Variants in CDH4 observed in about 807,000 individuals in gnomAD.
CDH4 encodes the protein cadherin 4, also known as cadherin-4.
CDH4 carries 33 observed loss-of-function variants against 86.0 expected under a neutral mutation model. That is an observed-to-expected ratio of 0.38 (90% CI 0.29 to 0.51). CDH4 has a LOEUF of 0.51. Among genes scored for constraint, CDH4 ranks in the 20% least tolerant of loss-of-function variants. The pLI is 0.86. For missense variants in CDH4, 1,114 were observed against 1,307.4 expected, an observed-to-expected ratio of 0.85 and a Z score of 2.28; for synonymous variants, 555 against 549.4, an observed-to-expected ratio of 1.01 and a Z score of -0.14.
At position 61,902,218 on chromosome 20, in the gene CDH4, G is replaced by A. The variant is rs2054734251; in HGVS notation, c.1188+7171G>A. Among the ~76,000 whole-genome samples the A allele has an allele frequency of 6.6e-6, 1 of 152,226 alleles. No homozygotes were observed. Among genetic ancestry groups the A allele is most frequent in the Non-Finnish European group, 1.5e-5 (1 of 68,048 alleles). On this transcript the variant is annotated intron_variant, in intron 8 of 15. Coordinates refer to ENST00000614565, the MANE Select transcript of CDH4 (RefSeq NM_001794.5). This position sits in a 1 kb window ranked among gnomAD's most constrained non-coding sequence, Gnocchi z 4.6. ...CGTGGATGGCCGTTTTCAGAGCAGGGCAGGCAGCACAAACGGATGAACGAT... is the reference window on the plus strand; with the variant it reads ...CGTGGATGGCCGTTTTCAGAGCAGGACAGGCAGCACAAACGGATGAACGAT...
intron 2 of CDH4, among the ~76,000 whole-genome samples, chr20:61,736,893 G>A (rs1315803499): frequency 6.6e-6 from 1 of 152,122 alleles, no homozygotes; most frequent in African/African-American, 2.4e-5. Context: ...CCGAAGACGT[G>A]GGTGACAGGC....
intron 3 of CDH4, among the ~76,000 whole-genome samples, chr20:61,744,343 A>C (rs1438989385): frequency 6.7e-6 from 1 of 150,362 alleles, no homozygotes; most frequent in African/African-American, 2.4e-5. Context: ...GGAGAGAGAC[A>C]GGAAAGGAGA....
intron 2 of CDH4, among the ~76,000 whole-genome samples, chr20:61,345,917 A>G (rs557628149): frequency 2.4e-4 from 36 of 152,264 alleles, no homozygotes; most frequent in African/African-American, 8.7e-4. Flanking sequence ...CTATTCGATC[A>G]ATGTTTGCTG....
At position 61,754,010 on chromosome 20, in the gene CDH4, GC is replaced by G. The variant is rs1268125399; in HGVS notation, c.396+10222del. Among the ~76,000 whole-genome samples, 2 of 152,182 alleles carry G rather than the reference GC, an allele frequency of 1.3e-5. No individual in the cohort carries two copies. The highest frequency in any genetic ancestry group is 1.3e-4 in the Admixed American group (2 of 15,276). On this transcript the variant is annotated intron_variant, in intron 3 of 15. Transcript: ENST00000614565. The surrounding 1 kb of genome is among the most constrained non-coding windows in gnomAD (Gnocchi z 4.7). The stretch of plus-strand genomic sequence containing the variant: ...TGTCCTTATAGAAGGGGAAATTTGG[GC>G]ACAGACAGGCACAGGGAGAAGTCCT...
intron 2 of CDH4, among the ~76,000 whole-genome samples, chr20:61,456,970 T>C (rs1381505441): frequency 6.6e-6 from 1 of 152,194 alleles, no homozygotes; most frequent in Non-Finnish European, 1.5e-5. Flanking sequence ...CAAAGAAGAA[T>C]TGGTGTTTTA....
chr20:61,726,361 C>T (rs1336087948), intron 2 of CDH4, among the ~76,000 whole-genome samples: 1 of 152,022 alleles, frequency 6.6e-6, no homozygotes, highest in Non-Finnish European at 1.5e-5. Flanking sequence ...CTTGGGAACC[C>T]CCTCCTCAAC....
chr20:61,606,025 C>T (rs1213471599), intron 2 of CDH4, among the ~76,000 whole-genome samples: 1 of 152,130 alleles, frequency 6.6e-6, no homozygotes, highest in East Asian at 1.9e-4. Context: ...CAATGCTGGG[C>T]AATGGCATCC....
At chr20:61,724,675 C>A (rs766005467) in intron 2 of CDH4, among the ~76,000 whole-genome samples, 2 of 152,166 alleles carry the variant, frequency 1.3e-5, no homozygotes, top group Non-Finnish European at 2.9e-5. Context: ...TGGGAAGATT[C>A]TGTCTTGTAG....
Position 61,297,201 on chromosome 20 carries a change from C to T in CDH4, c.169+42264C>T, listed in dbSNP as rs575856458. Among the ~76,000 whole-genome samples the T allele has an allele frequency of 2.7e-3, 413 of 152,240 alleles. 1 individual carries two copies. Among genetic ancestry groups the T allele is most frequent in the Non-Finnish European group, 4.2e-3 (287 of 68,018 alleles). On this transcript the variant is annotated intron_variant, in intron 2 of 15. Transcript: ENST00000614565. ...AGGAGTTCGAGACCAGCCTGGCCAACGTGGCAAAACCCCGTCTCTACTAAA... is the reference window on the plus strand; with the variant it reads ...AGGAGTTCGAGACCAGCCTGGCCAATGTGGCAAAACCCCGTCTCTACTAAA...
intron 4 of CDH4, among the ~76,000 whole-genome samples, chr20:61,815,515 C>T (rs542033124): frequency 1.8e-3 from 275 of 152,306 alleles, no homozygotes; most frequent in African/African-American, 6.2e-3. Context: ...AGGAGGAAGA[C>T]GCAGCCTCTG....
At chr20:61,446,298 T>C (rs2085349997) in intron 2 of CDH4, among the ~76,000 whole-genome samples, 2 of 152,358 alleles carry the variant, frequency 1.3e-5, no homozygotes, top group South Asian at 4.1e-4. Context: ...TATCTAAAAA[T>C]AAGTAGGGGT....
intron 1 of CDH4, among the ~76,000 whole-genome samples, chr20:61,254,370 A>G (rs2084085771): frequency 6.6e-6 from 1 of 152,226 alleles, no homozygotes; most frequent in Non-Finnish European, 1.5e-5. Context: ...AGAGGAGACA[A>G]GAAGCTGCCT....
chr20:61,432,745 T>C (rs565954778), intron 2 of CDH4, among the ~76,000 whole-genome samples: 15 of 152,204 alleles, frequency 9.9e-5, no homozygotes, highest in African/African-American at 2.6e-4. Flanking sequence ...GTTCTATCTA[T>C]AGGAAAACTT....
chr20:61,760,203 C>T (rs530689949), intron 3 of CDH4, among the ~76,000 whole-genome samples: 2 of 152,274 alleles, frequency 1.3e-5, no homozygotes, highest in South Asian at 4.2e-4. Flanking sequence ...GATCTTCATC[C>T]AGAGAAACGT....
intron 2 of CDH4, among the ~76,000 whole-genome samples, chr20:61,686,709 G>A (rs1410497319): frequency 6.6e-6 from 1 of 151,914 alleles, no homozygotes; most frequent in Non-Finnish European, 1.5e-5. Flanking sequence ...ATGTGCGTGT[G>A]CATTCCCGTG....
chr20:61,626,854 G>A, intron 2 of CDH4, among the ~76,000 whole-genome samples: 1 of 152,142 alleles, frequency 6.6e-6, no homozygotes, highest in East Asian at 1.9e-4. Context: ...CTGAATTCAG[G>A]CCAGAGAATG....
chr20:61,597,304 C>T (rs2086563522), intron 2 of CDH4, among the ~76,000 whole-genome samples: 1 of 152,242 alleles, frequency 6.6e-6, no homozygotes, highest in Admixed American at 6.5e-5. Flanking sequence ...CCTGCACCCA[C>T]CTCTTGCCTC....
chr20:61,753,924 G>A (rs967627015), intron 3 of CDH4, among the ~76,000 whole-genome samples: 8 of 152,144 alleles, frequency 5.3e-5, no homozygotes, highest in Non-Finnish European at 1.2e-4. Context: ...GAAATAGGGG[G>A]TTTGCCGATG....
Position 61,811,315 on chromosome 20 carries a change from G to T in CDH4, c.577-33353G>T, listed in dbSNP as rs143783941. Among the ~76,000 whole-genome samples, 4 of 152,200 alleles carry T rather than the reference G, an allele frequency of 2.6e-5. No homozygotes were observed. Among genetic ancestry groups the T allele is most frequent in the Non-Finnish European group, 5.9e-5 (4 of 68,042 alleles). Reference sequence around the variant, plus strand: ...ATCCACATGCCGGCAGCCCAAGACCGCCCTCATCGGGGGTGGGAATGAAAT... The same window carrying T: ...ATCCACATGCCGGCAGCCCAAGACCTCCCTCATCGGGGGTGGGAATGAAAT... On this transcript the variant is annotated intron_variant, in intron 4 of 15. Transcript: ENST00000614565. The surrounding 1 kb of genome is among the most constrained non-coding windows in gnomAD (Gnocchi z 4.4).
Sources: allele counts gnomAD v4.1 joint callset (sites outside exome capture counted in the v4.1 genomes callset), GRCh38; gene constraint gnomAD v4.1.1; non-coding constraint Gnocchi (gnomAD v3.1); transcripts MANE v1.5; gene names NCBI Gene and HGNC (gene_info 2026-07-23, HGNC 2026-07-21).